RUVBL2: variants seen among roughly 807,000 people sequenced by gnomAD.
RUVBL2 encodes the protein ruvB-like 2.
In RUVBL2, 9 loss-of-function variants were observed where a neutral mutation model predicts 57.9. That is an observed-to-expected ratio of 0.16 (90% CI 0.09 to 0.27). The LOEUF (loss-of-function observed/expected upper bound fraction) is 0.27, where lower values mean the gene tolerates loss of function less well. Ranked by LOEUF, RUVBL2 falls within the 10% of genes least tolerant of loss-of-function variation. The pLI is 1.00. For synonymous variants in RUVBL2, 278 were observed against 264.6 expected, an observed-to-expected ratio of 1.05 and a Z score of -0.49; for missense variants, 456 against 669.6, an observed-to-expected ratio of 0.68 and a Z score of 3.52.
intron 6 of RUVBL2, 110 bp from the exon 7 acceptor site, chr19:49,009,666 G>A: frequency 1.1e-6 from 1 of 899,372 alleles, no homozygotes; most frequent in Non-Finnish European, 1.8e-6. Context: ...CCATTTTGAA[G>A]CTGTGGAAGC....
intron 12 of RUVBL2, 107 bp from the exon 13 acceptor site, chr19:49,014,914 C>T (rs1029169404): frequency 2.4e-5 from 33 of 1,399,484 alleles, no homozygotes; most frequent in Middle Eastern, 2.5e-4. Context: ...AAGATGCAGG[C>T]GCCACATATT....
rs115437523 is a variant in RUVBL2 at position 49,004,845 on chromosome 19, T to G, written c.265+427T>G. On this transcript the variant is annotated intron_variant, in intron 4 of 14. Transcript: ENST00000595090. ...CATTGACTAGAATGTAATCATATGATCACACTCTGCTTCAGGGGAGGCTGG... is the reference window on the plus strand; with the variant it reads ...CATTGACTAGAATGTAATCATATGAGCACACTCTGCTTCAGGGGAGGCTGG... Among the ~76,000 whole-genome samples, 576 of 152,262 alleles carry G rather than the reference T, an allele frequency of 3.8e-3. 3 individuals carry two copies. The highest frequency in any genetic ancestry group is 0.013 in the African/African-American group (559 of 41,544).
At chr19:49,014,358 C>A in intron 11 of RUVBL2, 126 bp from the exon 12 acceptor site, 1 of 1,140,134 alleles carries the variant, frequency 8.8e-7, no homozygotes. Flanking sequence ...ACAGGAGACG[C>A]GAGCTAAAGG....
At chr19:49,010,403 TC>T in intron 8 of RUVBL2, 84 bp from the exon 9 acceptor site, 1 of 1,312,632 alleles carries the variant, frequency 7.6e-7, no homozygotes, top group South Asian at 1.3e-5. Flanking sequence ...AGCTCCAGTC[TC>T]CCCCAGACAG....
intron 1 of RUVBL2, among the ~76,000 whole-genome samples, chr19:48,998,269 A>G (rs2039103271): frequency 6.6e-6 from 1 of 152,160 alleles, no homozygotes; most frequent in Non-Finnish European, 1.5e-5. Flanking sequence ...AGCATGTGCA[A>G]GGCCTGGTGG....
intron 6 of RUVBL2, 142 bp from the exon 7 acceptor site, chr19:49,009,633 TG>T: frequency 1.4e-6 from 1 of 716,010 alleles, no homozygotes; most frequent in Non-Finnish European, 2.4e-6. Context: ...ATGTCTTCCC[TG>T]GAGAGCTTCC....
chr19:48,997,444 T>C (rs1377275002), intron 1 of RUVBL2, among the ~76,000 whole-genome samples: 1 of 151,840 alleles, frequency 6.6e-6, no homozygotes, highest in African/African-American at 2.4e-5. Context: ...GCCAACATGG[T>C]GAAACCCCAT....
chr19:49,003,171 C>CA, intron 2 of RUVBL2, 108 bp from the exon 3 acceptor site: 6 of 537,498 alleles, frequency 1.1e-5, no homozygotes, highest in Non-Finnish European at 1.9e-5. Flanking sequence ...CTGCTCCCTA[C>CA]TCCCACCCAC....
chr19:48,993,681 G>A (rs2038991061), upstream of RUVBL2: 1 of 609,116 alleles, frequency 1.6e-6, no homozygotes, highest in Non-Finnish European at 2.9e-6. Flanking sequence ...TGAGCAAAAG[G>A]AGGAGGAGCC....
At chr19:49,001,541 C>G (rs1367058106) in intron 2 of RUVBL2, 1 of 150,398 alleles carries the variant, frequency 6.6e-6, no homozygotes, top group Non-Finnish European at 1.5e-5. Flanking sequence ...CCAGTAGAGA[C>G]TAGCTGCACC....
rs111457505 is a variant in RUVBL2, at chr19:49,009,620, C to T, written c.463-156C>T. 2.6e-4 allele frequency among the ~76,000 whole-genome samples: 40 copies of T among 152,302 alleles called. 1 individual carries two copies. Among genetic ancestry groups the T allele is most frequent in the African/African-American group, 7.2e-4 (30 of 41,550 alleles). ...CACCGCGTCAGGCTGGTGAGCGCAC[C>T]GTATGTCTTCCCTGGAGAGCTTCCT... is the stretch of plus-strand genomic sequence containing the variant. On this transcript the variant is annotated intron_variant, in intron 6 of 14. Coordinates refer to ENST00000595090, the MANE Select transcript of RUVBL2 (RefSeq NM_006666.3).
chr19:48,993,541 G>GACA (rs1217361395), upstream of RUVBL2: 12 of 452,928 alleles, frequency 2.6e-5, no homozygotes, highest in South Asian at 4.4e-5. Context: ...CTGTCAATCT[G>GACA]GAGCTGGAGG....
At chr19:48,993,971 T>C (rs1284453492) in intron 1 of RUVBL2, 48 bp downstream of exon 1, 1 of 1,610,192 alleles carries the variant, frequency 6.2e-7, no homozygotes, top group African/African-American at 1.3e-5. Context: ...CAGTCTCGAG[T>C]TTGAGAGAGG....
chr19:48,993,675 C>G, upstream of RUVBL2: 1 of 604,230 alleles, frequency 1.7e-6, no homozygotes, highest in East Asian at 2.8e-5. Context: ...TGGGGCTGAG[C>G]AAAAGGAGGA....
intron 11 of RUVBL2, among the ~76,000 whole-genome samples, chr19:49,012,165 C>A (rs944115164): frequency 6.6e-6 from 1 of 152,168 alleles, no homozygotes; most frequent in Non-Finnish European, 1.5e-5. Flanking sequence ...CTGTCAGCTC[C>A]AGCCCTGCAG....
At chr19:49,005,879 AC>A (rs1017182255) in intron 4 of RUVBL2, among the ~76,000 whole-genome samples, 1 of 151,958 alleles carries the variant, frequency 6.6e-6, no homozygotes, top group African/African-American at 2.4e-5. Flanking sequence ...CAGGTGATCC[AC>A]CCCCCTGCCT....
chr19:49,012,077 C>A (rs889943399), intron 11 of RUVBL2, among the ~76,000 whole-genome samples: 9 of 152,136 alleles, frequency 5.9e-5, no homozygotes, highest in African/African-American at 1.9e-4. Flanking sequence ...CAGGCTGCAC[C>A]CCAACCTTGC....
In RUVBL2 at chr19:49,015,822, G is replaced by A; in HGVS notation, c.1372G>A (p.Glu458Lys). 1.2e-6 allele frequency: 2 copies of A among 1,614,150 alleles called. No homozygotes were observed. Among genetic ancestry groups the A allele is most frequent in the Middle Eastern group, 1.6e-4 (1 of 6,062 alleles). Residue 458 changes from glutamate (E) to lysine (K), a missense_variant, in exon 15 of 15, where the codon GAG (glutamate) becomes AAG (lysine). By Grantham distance (56) the Glu-to-Lys change is moderately conservative. Around this residue, in one of 5 missense-constraint regions of RUVBL2, gnomAD observed 67 missense variants for 71.5 expected, o/e 0.94. Coordinates refer to ENST00000595090, the MANE Select transcript of RUVBL2 (RefSeq NM_006666.3). ...GGCCTTCCTTCTCCCCACAGAAGGCGAGACCATGGACACCTCCTGAGTTGG... is the reference window on the plus strand; with the variant it reads ...GGCCTTCCTTCTCCCCACAGAAGGCAAGACCATGGACACCTCCTGAGTTGG... ...DAFLFNELKGETMDTS is the reference protein window; with the variant it reads ...DAFLFNELKGKTMDTS
chr19:49,015,081 G>T lies in RUVBL2; in HGVS notation c.1182G>T (p.Gly394=), dbSNP rs1029207979. 2 of 1,609,618 alleles carry T rather than the reference G, an allele frequency of 1.2e-6. No individual in the cohort carries two copies. Among genetic ancestry groups the T allele is most frequent in the African/African-American group, 2.7e-5 (2 of 74,822 alleles). Residue 394 remains glycine (G), a synonymous_variant, in exon 13 of 15, where the codon GGG becomes GGT. Coordinates refer to ENST00000595090, the MANE Select transcript of RUVBL2 (RefSeq NM_006666.3). The stretch of plus-strand genomic sequence containing the variant: ...CCTACACGGTGCTGACCCGCATCGG[G>T]CTGGAGACGTCACTGCGCTACGCCA... ...EDAYTVLTRI[G]LETSLRYAIQ... is the part of the protein sequence containing the mutation.
Sources: gnomAD v4.1 joint callset for allele counts (sites outside exome capture counted in the v4.1 genomes callset) on GRCh38, gnomAD v4.1.1 for gene constraint, gnomAD v4.1.1 regional missense constraint, MANE v1.5 for transcripts, NCBI Gene and HGNC (gene_info 2026-07-23, HGNC 2026-07-21) for gene names.